CACNA2D3: variants seen among roughly 807,000 people sequenced by gnomAD.
CACNA2D3 encodes the protein voltage-dependent calcium channel subunit alpha-2/delta-3.
CACNA2D3 carries 60 observed loss-of-function variants against 160.6 expected under a neutral mutation model. That is an observed-to-expected ratio of 0.37 (90% confidence interval 0.30 to 0.46). CACNA2D3 has a LOEUF of 0.46. Among genes scored for constraint, CACNA2D3 ranks in the 20% least tolerant of loss-of-function variants. The pLI is 1.00. For missense variants in CACNA2D3, 1,205 were observed against 1,365.0 expected (o/e 0.88, Z 1.85); for synonymous variants, 558 against 492.9 (o/e 1.13, Z -1.75).
chr3:55,002,157 C>CA (rs543053532), intron 31 of CACNA2D3, among the ~76,000 whole-genome samples: 2,633 of 93,862 alleles, frequency 0.028, 78 homozygotes, highest in African/African-American at 0.071. Context: ...GACTCCATAT[C>CA]AAAAAAAAAA....
intron 9 of CACNA2D3, among the ~76,000 whole-genome samples, chr3:54,614,752 T>C (rs1475654673): frequency 6.6e-6 from 1 of 152,264 alleles, no homozygotes; most frequent in Admixed American, 6.5e-5. Context: ...CTTATTGTGA[T>C]AGCAGGAAGC....
intron 11 of CACNA2D3, among the ~76,000 whole-genome samples, chr3:54,740,382 A>T (rs1021416080): frequency 6.6e-6 from 1 of 152,126 alleles, no homozygotes; most frequent in Non-Finnish European, 1.5e-5. Flanking sequence ...TTCCCACCCT[A>T]TTCACCTGAG....
chr3:54,763,444 C>G (rs981786388), intron 12 of CACNA2D3, among the ~76,000 whole-genome samples: 3 of 151,868 alleles, frequency 2.0e-5, no homozygotes, highest in African/African-American at 7.3e-5. Context: ...AAAAATTAAT[C>G]ATAACTATTA....
intron 13 of CACNA2D3, among the ~76,000 whole-genome samples, chr3:54,778,097 G>A (rs1319252921): frequency 6.6e-6 from 1 of 152,134 alleles, no homozygotes; most frequent in African/African-American, 2.4e-5. Context: ...CCACATGGCA[G>A]AAGGCAAAGG....
At chr3:54,392,616 G>C (rs933003078) in intron 4 of CACNA2D3, among the ~76,000 whole-genome samples, 1 of 152,176 alleles carries the variant, frequency 6.6e-6, no homozygotes, top group Non-Finnish European at 1.5e-5. Flanking sequence ...CACCAAGCTG[G>C]AAGAGCCTAC....
intron 2 of CACNA2D3, among the ~76,000 whole-genome samples, chr3:54,256,757 CAAAAAAAAAAA>C (rs35227962): frequency 1.9e-5 from 2 of 107,030 alleles, no homozygotes. Flanking sequence ...GACTCCGTCT[CAAAAAAAAAAA>C]AAAAAAAACC....
chr3:54,996,217 C>G (rs994618024), intron 31 of CACNA2D3, among the ~76,000 whole-genome samples: 2 of 152,242 alleles, frequency 1.3e-5, no homozygotes, highest in Admixed American at 1.3e-4. Context: ...AAGGACGCTT[C>G]CCCAGAATCA....
chr3:54,955,241 G>A (rs536912489), intron 27 of CACNA2D3, among the ~76,000 whole-genome samples: 9 of 152,256 alleles, frequency 5.9e-5, no homozygotes, highest in African/African-American at 2.2e-4. Context: ...CAGACATTAG[G>A]GAAGGTGAGG....
At chr3:54,184,026 T>C (rs1341422372) in intron 2 of CACNA2D3, among the ~76,000 whole-genome samples, 1 of 151,786 alleles carries the variant, frequency 6.6e-6, no homozygotes, top group Non-Finnish European at 1.5e-5. Context: ...TCCGGTGCAT[T>C]TGTGATGGTC....
intron 4 of CACNA2D3, among the ~76,000 whole-genome samples, chr3:54,411,237 A>G (rs1338379068): frequency 6.6e-6 from 1 of 152,222 alleles, no homozygotes; most frequent in African/African-American, 2.4e-5. Flanking sequence ...AATGTTTTAT[A>G]AAGGTAGTTG....
Position 54,418,143 on chromosome 3 carries a change from A to G in CACNA2D3, c.381+31369A>G, listed in dbSNP as rs926625859. Among the ~76,000 whole-genome samples, 4 of 152,190 alleles carry G rather than the reference A, an allele frequency of 2.6e-5. No individual in the cohort carries two copies. In the South Asian group the frequency reaches 8.3e-4, roughly 31 times the overall value. On this transcript the variant is annotated intron_variant, in intron 4 of 37. Transcript: ENST00000474759. ...TTTTTTGGGTAATTTTAAGAACTTAACTTTCAAACCGTAATGCCTGTTTTA... is the reference window on the plus strand; with the variant it reads ...TTTTTTGGGTAATTTTAAGAACTTAGCTTTCAAACCGTAATGCCTGTTTTA...
chr3:54,174,975 A>G (rs1026566176), intron 2 of CACNA2D3, among the ~76,000 whole-genome samples: 2 of 152,072 alleles, frequency 1.3e-5, no homozygotes, highest in Admixed American at 1.3e-4. Flanking sequence ...CTTTTGGTTG[A>G]GCTTCAGCTG....
At chr3:54,591,117 T>G (rs949059250) in intron 9 of CACNA2D3, among the ~76,000 whole-genome samples, 5 of 152,190 alleles carry the variant, frequency 3.3e-5, no homozygotes, top group Admixed American at 1.3e-4. Context: ...CCATGTTCAT[T>G]TAGGACTTAC....
intron 17 of CACNA2D3, among the ~76,000 whole-genome samples, chr3:54,851,486 C>A (rs1040494113): frequency 1.3e-5 from 2 of 152,194 alleles, no homozygotes; most frequent in African/African-American, 4.8e-5. Flanking sequence ...TAACCCCAGT[C>A]AGTTTAGGTG....
At chr3:54,895,518 C>T (rs1700168833) in intron 25 of CACNA2D3, among the ~76,000 whole-genome samples, 1 of 152,224 alleles carries the variant, frequency 6.6e-6, no homozygotes, top group South Asian at 2.1e-4. Flanking sequence ...CCTGCAACTA[C>T]TGAATGCTTT....
At chr3:54,232,794 A>G (rs142114502) in intron 2 of CACNA2D3, among the ~76,000 whole-genome samples, 2 of 152,334 alleles carry the variant, frequency 1.3e-5, no homozygotes, top group Admixed American at 6.5e-5. Context: ...ACTTTAAATT[A>G]TGCGATTAGA....
intron 4 of CACNA2D3, among the ~76,000 whole-genome samples, chr3:54,411,943 G>A (rs1271107752): frequency 1.3e-5 from 2 of 150,400 alleles, no homozygotes; most frequent in Non-Finnish European, 3.0e-5. Context: ...TGTGTAGGTC[G>A]GAAAACTTGA....
At chr3:54,284,613 C>A (rs2107467448) in intron 2 of CACNA2D3, among the ~76,000 whole-genome samples, 1 of 152,248 alleles carries the variant, frequency 6.6e-6, no homozygotes, top group South Asian at 2.1e-4. Flanking sequence ...GAACAGTAAA[C>A]ATCTCTGTCT....
chr3:54,717,781 ATGTGCGTGTGTGGTGTGCGTGTGTGCG>A (rs1701087070), intron 11 of CACNA2D3, among the ~76,000 whole-genome samples: 2 of 60,046 alleles, frequency 3.3e-5, no homozygotes, highest in Admixed American at 4.6e-4. Flanking sequence ...GTGTGTGTGC[ATGTGCGTGTGTGGTGTGCGTGTGTGCG>A]CATGTTTGCG....
Sources: allele counts gnomAD v4.1 joint callset (sites outside exome capture counted in the v4.1 genomes callset), GRCh38; gene constraint gnomAD v4.1.1; transcripts MANE v1.5; gene names NCBI Gene and HGNC (gene_info 2026-07-23, HGNC 2026-07-21).